ZBTB38: variants seen among roughly 807,000 people sequenced by gnomAD.
ZBTB38 encodes zinc finger and BTB domain containing 38, also known as zinc finger and BTB domain-containing protein 38.
In ZBTB38, 20 loss-of-function variants were observed where a neutral mutation model predicts 76.8. The ratio of observed to expected loss-of-function variants is 0.26; its 90% confidence interval spans 0.18 to 0.38. ZBTB38 has a LOEUF of 0.38. ZBTB38 is among the 10% of genes least tolerant of loss of function. ZBTB38 has a pLI of 1.00. For synonymous variants in ZBTB38, 504 were observed against 544.2 expected (o/e 0.93, Z 1.03); for missense variants, 1,082 against 1,482.3 (o/e 0.73, Z 4.43).
chr3:141,440,732 G>C (rs1018187106), intron 5 of ZBTB38, among the ~76,000 whole-genome samples: 2 of 152,066 alleles, frequency 1.3e-5, no homozygotes, highest in Non-Finnish European at 2.9e-5. Flanking sequence ...GTGAGTTGCT[G>C]TAAGCATTCT....
At chr3:141,355,998 G>GT (rs1943650504) in intron 1 of ZBTB38, among the ~76,000 whole-genome samples, 1 of 149,776 alleles carries the variant, frequency 6.7e-6, no homozygotes, top group Admixed American at 6.6e-5. Context: ...GGCCGCAGCA[G>GT]TAAAAAGGAC....
intron 1 of ZBTB38, among the ~76,000 whole-genome samples, chr3:141,348,805 G>A (rs144351353): frequency 6.6e-6 from 1 of 152,124 alleles, no homozygotes; most frequent in Non-Finnish European, 1.5e-5. Flanking sequence ...GATAGTAATG[G>A]CATTTAAAAA....
intron 1 of ZBTB38, among the ~76,000 whole-genome samples, chr3:141,340,967 A>AAAGAAAG (rs1943174071): frequency 1.0e-5 from 1 of 99,350 alleles, no homozygotes; most frequent in Non-Finnish European, 2.0e-5. Context: ...AGAAAGAAAG[A>AAAGAAAG]AAGAAAGAAA....
chr3:141,344,412 A>G (rs1204564306), intron 1 of ZBTB38, among the ~76,000 whole-genome samples: 1 of 152,180 alleles, frequency 6.6e-6, no homozygotes, highest in African/African-American at 2.4e-5. Flanking sequence ...TCTGTCACCC[A>G]GATTGGAGTG....
chr3:141,404,717 A>G (rs1476028883), intron 5 of ZBTB38, among the ~76,000 whole-genome samples: 1 of 152,220 alleles, frequency 6.6e-6, no homozygotes, highest in Non-Finnish European at 1.5e-5. Context: ...GAGGTGAGGA[A>G]GAATAGGCGT....
chr3:141,407,532 T>C (rs1039917382), intron 5 of ZBTB38, among the ~76,000 whole-genome samples: 12 of 152,266 alleles, frequency 7.9e-5, no homozygotes, highest in Non-Finnish European at 1.6e-4. Context: ...AGCCTTATCT[T>C]TAAGACTCAT....
chr3:141,426,951 A>T (rs2076517602), intron 5 of ZBTB38, among the ~76,000 whole-genome samples: 1 of 151,888 alleles, frequency 6.6e-6, no homozygotes, highest in Admixed American at 6.6e-5. Flanking sequence ...GCTTTAGGCC[A>T]GCAATGTCGA....
Position 141,445,146 on chromosome 3 carries a change from T to A in ZBTB38, c.2758T>A (p.Tyr920Asn). The A allele has an allele frequency of 6.2e-7, 1 of 1,613,884 alleles. No individual in the cohort carries two copies. Among genetic ancestry groups the A allele is most frequent in the Non-Finnish European group, 8.5e-7 (1 of 1,179,990 alleles). Residue 920 changes from tyrosine (Y) to asparagine (N), a missense_variant, in exon 6 of 6, where the codon TAC (tyrosine) becomes AAC (asparagine). Coordinates refer to ENST00000321464, the MANE Select transcript of ZBTB38 (RefSeq NM_001376113.1). This position sits in a 1 kb window ranked among gnomAD's most constrained non-coding sequence, Gnocchi z 6.5. ...CACTGACAAACCGTGGCGCCCTTACTACAACTACAAACCCAAAAAGAAATC... is the reference window on the plus strand; with the variant it reads ...CACTGACAAACCGTGGCGCCCTTACAACAACTACAAACCCAAAAAGAAATC... Reference protein sequence around the residue: ...DSTDKPWRPYYNYKPKKKSRQ... With the variant: ...DSTDKPWRPYNNYKPKKKSRQ...
In ZBTB38 at chr3:141,444,558, T is replaced by G. The variant is rs773169598; in HGVS notation, c.2170T>G (p.Ser724Ala). Residue 724 changes from serine to alanine, a missense_variant, in exon 6 of 6, where the codon TCA (serine) becomes GCA (alanine). Coordinates refer to ENST00000321464, the MANE Select transcript of ZBTB38 (RefSeq NM_001376113.1). This position sits in a 1 kb window ranked among gnomAD's most constrained non-coding sequence, Gnocchi z 5.1. ...PSVIVHSSQF[S>A]SVIMHSNAIA... ...GGTCATTGTACACAGCAGCCAGTTTTCATCGGTGATCATGCACAGCAATGC... is the reference window on the plus strand; with the variant it reads ...GGTCATTGTACACAGCAGCCAGTTTGCATCGGTGATCATGCACAGCAATGC... 6.2e-7 allele frequency: 1 copy of G among 1,614,206 alleles called. No individual in the cohort carries two copies. The highest frequency in any genetic ancestry group is 8.5e-7 in the Non-Finnish European group (1 of 1,180,040).
intron 4 of ZBTB38, among the ~76,000 whole-genome samples, chr3:141,398,195 A>C (rs1950791214): frequency 1.3e-5 from 2 of 152,204 alleles, no homozygotes; most frequent in Non-Finnish European, 2.9e-5. Flanking sequence ...CCCATTTTCT[A>C]ATTGGAAACC....
At chr3:141,434,242 C>T in intron 5 of ZBTB38, 4 of 980,424 alleles carry the variant, frequency 4.1e-6, no homozygotes, top group Non-Finnish European at 4.8e-6. Flanking sequence ...TGAGGATTGC[C>T]AGGTAGGGGA....
At chr3:141,364,676 T>TAAAAAAAAAAAAAAAAAAAA (rs59398877), upstream of ZBTB38, among the ~76,000 whole-genome samples, 2 of 43,416 alleles carry the variant, frequency 4.6e-5, no homozygotes, top group Non-Finnish European at 9.5e-5. Context: ...AAACTACATC[T>TAAAAAAAAAAAAAAAAAAAA]AAAAAAAAAA....
At chr3:141,396,524 T>G (rs571806482) in intron 4 of ZBTB38, 1 of 169,928 alleles carries the variant, frequency 5.9e-6, no homozygotes, top group Non-Finnish European at 1.3e-5. Context: ...TATTTTGACC[T>G]CCTTCCATTA....
At chr3:141,331,956 A>G (rs893090609) in intron 1 of ZBTB38, among the ~76,000 whole-genome samples, 1 of 152,222 alleles carries the variant, frequency 6.6e-6, no homozygotes, top group African/African-American at 2.4e-5. Context: ...TAAGTGGAAG[A>G]TAATGCACTT....
upstream of ZBTB38, among the ~76,000 whole-genome samples, chr3:141,365,594 A>C (rs1257970624): frequency 6.6e-6 from 1 of 152,192 alleles, no homozygotes; most frequent in Non-Finnish European, 1.5e-5. Context: ...TTGGAGATTA[A>C]ATTTCAACAT....
intron 1 of ZBTB38, among the ~76,000 whole-genome samples, chr3:141,350,387 T>C (rs1367653717): frequency 3.3e-5 from 5 of 152,248 alleles, no homozygotes; most frequent in African/African-American, 1.2e-4. Flanking sequence ...TTGGTTTTTT[T>C]CACTGGAGTT....
At chr3:141,347,684 C>T (rs1479155530) in intron 1 of ZBTB38, among the ~76,000 whole-genome samples, 3 of 152,226 alleles carry the variant, frequency 2.0e-5, no homozygotes, top group African/African-American at 4.8e-5. Context: ...GGTTTCTCTC[C>T]CTAAGCCTCT....
chr3:141,374,208 T>A (rs534586082), intron 2 of ZBTB38, among the ~76,000 whole-genome samples: 1 of 152,358 alleles, frequency 6.6e-6, no homozygotes, highest in South Asian at 2.1e-4. Context: ...ATCATTATTT[T>A]AAAGATTTTT....
chr3:141,437,637 A>T (rs2079093834), intron 5 of ZBTB38, among the ~76,000 whole-genome samples: 1 of 152,232 alleles, frequency 6.6e-6, no homozygotes, highest in African/African-American at 2.4e-5. Flanking sequence ...CAATTTGATA[A>T]TTATATGTAT....
Sources: gnomAD v4.1 joint callset for allele counts (sites outside exome capture counted in the v4.1 genomes callset) on GRCh38, gnomAD v4.1.1 for gene constraint, Gnocchi (gnomAD v3.1) non-coding constraint, MANE v1.5 for transcripts, NCBI Gene and HGNC (gene_info 2026-07-23, HGNC 2026-07-21) for gene names.